Variants in LACTB2 observed in about 807,000 individuals in gnomAD.
The protein encoded by LACTB2 is lactamase beta 2, also known as endoribonuclease LACTB2.
Under a neutral mutation model 34.8 loss-of-function variants are expected in LACTB2, and 32 were observed. The ratio of observed to expected loss-of-function variants is 0.92; its 90% confidence interval spans 0.69 to 1.24. The LOEUF (loss-of-function observed/expected upper bound fraction) is 1.24, where lower values mean the gene tolerates loss of function less well. Among genes scored for constraint, LACTB2 ranks in the 50% most tolerant of loss-of-function variants. The pLI is 0.00. For missense variants in LACTB2, 320 were observed against 345.0 expected, an observed-to-expected ratio of 0.93 and a Z score of 0.57; for synonymous variants, 120 against 117.5, an observed-to-expected ratio of 1.02 and a Z score of -0.14.
intron 5 of LACTB2, 60 bp downstream of exon 5, chr8:70,640,842 A>G: frequency 1.4e-6 from 2 of 1,452,854 alleles, no homozygotes; most frequent in Non-Finnish European, 1.8e-6. Flanking sequence ...TCTATAGTCT[A>G]CTAAATAGAT....
chr8:70,638,631 TA>T lies in LACTB2; in HGVS notation c.742-3del. On this transcript the variant is annotated splice_region_variant and splice_polypyrimidine_tract_variant and intron_variant, in intron 5 of 6. Transcript: ENST00000276590. ...TTCATGTAAATTCTCAGGAGTATTC[TA>T]AAAGAAAAATGAAGGTGAAAAAAAT... 7.1e-7 allele frequency: 1 copy of T among 1,401,050 alleles called. No individual in the cohort carries two copies. Among genetic ancestry groups the T allele is most frequent in the Non-Finnish European group, 9.4e-7 (1 of 1,063,198 alleles). 86.8% of individuals were successfully genotyped at this position (1,401,050 alleles called of 1,614,324 possible).
intron 6 of LACTB2, among the ~76,000 whole-genome samples, 196 bp downstream of exon 6, chr8:70,638,352 T>A (rs1047378135): frequency 6.6e-6 from 1 of 152,164 alleles, no homozygotes; most frequent in African/African-American, 2.4e-5. Context: ...AGATTCTAAT[T>A]CCCCTGGGAG....
intron 4 of LACTB2, among the ~76,000 whole-genome samples, chr8:70,641,826 G>A (rs903048011): frequency 6.6e-6 from 1 of 152,102 alleles, no homozygotes; most frequent in Non-Finnish European, 1.5e-5. Flanking sequence ...AAATATTTGA[G>A]AACAAAATAT....
At chr8:70,645,063 T>TATAC in intron 3 of LACTB2, among the ~76,000 whole-genome samples, 1 of 152,024 alleles carries the variant, frequency 6.6e-6, no homozygotes, top group South Asian at 2.1e-4. Flanking sequence ...TATATATATA[T>TATAC]ACACACACAC....
chr8:70,649,040 A>G (rs898142280), intron 3 of LACTB2, among the ~76,000 whole-genome samples: 1 of 152,226 alleles, frequency 6.6e-6, no homozygotes, highest in African/African-American at 2.4e-5. Flanking sequence ...AAGGAAAAAT[A>G]CTTTCAACTT....
intron 2 of LACTB2, among the ~76,000 whole-genome samples, chr8:70,658,569 T>C (rs534397108): frequency 8.1e-4 from 123 of 152,266 alleles, no homozygotes; most frequent in African/African-American, 2.9e-3. Context: ...TTGGTACCAT[T>C]TAATGAATAT....
chr8:70,644,488 T>A (rs58859533), intron 3 of LACTB2, among the ~76,000 whole-genome samples: 10,481 of 152,208 alleles, frequency 0.069, 411 homozygotes, highest in Non-Finnish European at 0.077. Flanking sequence ...TTTTCTTTTT[T>A]TGAGACAGGG....
chr8:70,653,550 A>AAGATATT (rs1193098319), intron 3 of LACTB2: 1 of 152,242 alleles, frequency 6.6e-6, no homozygotes, highest in Non-Finnish European at 1.5e-5. Flanking sequence ...TGCCTCTTTA[A>AAGATATT]AGATATTAAC....
chr8:70,664,569 G>C (rs969021865), intron 1 of LACTB2, among the ~76,000 whole-genome samples: 2 of 151,742 alleles, frequency 1.3e-5, no homozygotes, highest in East Asian at 3.9e-4. Context: ...GATAAAAGAA[G>C]GGCTCTCAAA....
chr8:70,653,337 C>T (rs979351329), intron 3 of LACTB2, among the ~76,000 whole-genome samples: 55 of 152,152 alleles, frequency 3.6e-4, no homozygotes, highest in African/African-American at 1.2e-3. Context: ...AGTCTCAAAC[C>T]GCCTGCCTTG....
At chr8:70,643,707 G>A (rs548514570) in intron 4 of LACTB2, among the ~76,000 whole-genome samples, 1 of 152,128 alleles carries the variant, frequency 6.6e-6, no homozygotes, top group Admixed American at 6.5e-5. Flanking sequence ...TAGAGATGGG[G>A]TTTCACCATG....
At chr8:70,667,865 G>T (rs1160897443) in intron 1 of LACTB2, among the ~76,000 whole-genome samples, 1 of 152,126 alleles carries the variant, frequency 6.6e-6, no homozygotes, top group Non-Finnish European at 1.5e-5. Flanking sequence ...TTTGTCTGAG[G>T]TATTGACTAG....
chr8:70,664,778 C>A (rs1818518368), intron 1 of LACTB2, among the ~76,000 whole-genome samples: 1 of 152,156 alleles, frequency 6.6e-6, no homozygotes. Context: ...TTTTGATCCT[C>A]ATATCAACTC....
chr8:70,668,960 C>T lies in LACTB2; in HGVS notation c.122+39G>A, dbSNP rs1197181398. ...TCAGTCAAAGCCCGGGCTCCGGGGC[C>T]GGCTGCGAACGTTGGGGAGGTTGGA... On this transcript the variant is annotated intron_variant, in intron 1 of 6. Coordinates refer to ENST00000276590, the MANE Select transcript of LACTB2 (RefSeq NM_016027.3). The T allele has an allele frequency of 1.9e-6, 3 of 1,555,544 alleles. No homozygotes were observed. In the East Asian group the frequency reaches 7.2e-5, roughly 37 times the overall value.
At chr8:70,654,182 T>A (rs1818380835) in intron 3 of LACTB2, among the ~76,000 whole-genome samples, 1 of 152,170 alleles carries the variant, frequency 6.6e-6, no homozygotes, top group Non-Finnish European at 1.5e-5. Flanking sequence ...GCGTTCTTGA[T>A]ATAAGTAACA....
rs990900411 is a variant in LACTB2, at chr8:70,668,748, G to GTTTT, written c.122+247_122+250dup. 2.5e-3 allele frequency among the ~76,000 whole-genome samples: 255 copies of GTTTT among 103,652 alleles called. 19 individuals are homozygous for GTTTT. The highest frequency in any genetic ancestry group is 9.7e-3 in the African/African-American group (231 of 23,836). The allele number at this position is 103,652 out of a possible 152,430, so 68.0% of individuals were successfully genotyped here. ...CAGTAAATCGGGTTTCAAAACAGAA[G>GTTTT]TTTTTTTTTTTTTTTTTTTTTTTTT... On this transcript the variant is annotated intron_variant, in intron 1 of 6. Coordinates refer to ENST00000276590, the MANE Select transcript of LACTB2 (RefSeq NM_016027.3).
In LACTB2 at chr8:70,637,693, T is replaced by C. The variant is rs984182516; in HGVS notation, c.*167A>G. 2.4e-6 allele frequency: 1 copy of C among 409,098 alleles called. No homozygotes were observed. The highest frequency in any genetic ancestry group is 4.4e-6 in the Non-Finnish European group (1 of 227,668). 25.3% of individuals were successfully genotyped at this position (409,098 alleles called of 1,614,324 possible). A position where few individuals can be genotyped will look rare whatever the true frequency, so the allele number is the denominator to read the frequency against. On this transcript the variant is annotated 3_prime_UTR_variant, in exon 7 of 7. Transcript: ENST00000276590. ...AGAGAAATAACCTATCATATGGTTGTATAGTGTAATTTACATATTTTAGCA... is the reference window on the plus strand; with the variant it reads ...AGAGAAATAACCTATCATATGGTTGCATAGTGTAATTTACATATTTTAGCA...
rs546175367 is a variant in LACTB2 at position 70,663,991 on chromosome 8, T to G, written c.123-2094A>C. ...ACTTAGCATTGTGCATATTTAGTTA[T>G]GCTAAATTAAAATACACAAGACTAT... On this transcript the variant is annotated intron_variant, in intron 1 of 6. Transcript: ENST00000276590. Among the ~76,000 whole-genome samples, 287 of 152,334 alleles carry G rather than the reference T, an allele frequency of 1.9e-3. 3 individuals carry two copies. Among genetic ancestry groups the G allele is most frequent in the Non-Finnish European group, 2.7e-3 (182 of 68,036 alleles).
At chr8:70,650,735 CAAAAAAAA>C (rs61025700) in intron 3 of LACTB2, among the ~76,000 whole-genome samples, 3 of 46,210 alleles carry the variant, frequency 6.5e-5, no homozygotes, top group Non-Finnish European at 1.1e-4. Flanking sequence ...GACTCCATCT[CAAAAAAAA>C]AAAAAAAAAA....
Sources: gnomAD v4.1 joint callset for allele counts (sites outside exome capture counted in the v4.1 genomes callset) on GRCh38, gnomAD v4.1.1 for gene constraint, MANE v1.5 for transcripts, NCBI Gene and HGNC (gene_info 2026-07-23, HGNC 2026-07-21) for gene names.